The following SHH variants were observed in gnomAD, a reference collection of about 807,000 sequenced individuals.
The protein encoded by SHH is sonic hedgehog signaling molecule.
In SHH, 3 loss-of-function variants were observed where a neutral mutation model predicts 16.6. The ratio of observed to expected loss-of-function variants is 0.18; its 90% CI spans 0.08 to 0.47. The LOEUF is 0.47. Among genes scored for constraint, SHH ranks in the 20% least tolerant of loss-of-function variants. The pLI is 0.98. For synonymous variants in SHH, 351 were observed against 316.2 expected, an observed-to-expected ratio of 1.11 and a Z score of -1.17; for missense variants, 499 against 665.0, an observed-to-expected ratio of 0.75 and a Z score of 2.75.
rs9333602 is a variant in SHH at position 155,809,169 on chromosome 7, C to A, written c.301-2612G>T. On this transcript the variant is annotated intron_variant, in intron 1 of 2. Transcript: ENST00000297261. The surrounding 1 kb of genome is among the most constrained non-coding windows in gnomAD (Gnocchi z 6.1). ...CGCGCGGGGAGAGCGTGTCTGTCTGCGCTTTCCTCTCCCGGGTTAATATTA... is the reference window on the plus strand; with the variant it reads ...CGCGCGGGGAGAGCGTGTCTGTCTGAGCTTTCCTCTCCCGGGTTAATATTA... 6.6e-6 allele frequency: 1 copy of A among 152,222 alleles called. No homozygotes were observed. The highest frequency in any genetic ancestry group is 2.4e-5 in the African/African-American group (1 of 41,432). The allele number at this position is 152,222 out of a possible 1,614,324, so 9.4% of individuals were successfully genotyped here. A position where few individuals can be genotyped will look rare whatever the true frequency, so the allele number is the denominator to read the frequency against.
rs1258305758 is a variant in SHH at position 155,803,220 on chromosome 7, T to C, written c.1069A>G (p.Asn357Asp). 4.0e-6 allele frequency: 6 copies of C among 1,514,964 alleles called. No individual in the cohort carries two copies. Among genetic ancestry groups the C allele is most frequent in the Non-Finnish European group, 5.3e-6 (6 of 1,137,688 alleles). 93.8% of individuals were successfully genotyped at this position (1,514,964 alleles called of 1,614,324 possible). A position where few individuals can be genotyped will look rare whatever the true frequency, so the allele number is the denominator to read the frequency against. ...GCGTAGCACGAGGCCAGCACCCGGT[T>C]GATGAGAATGGTGCCCTGGGCCGTG... is the stretch of plus-strand genomic sequence containing the variant. Reference protein sequence around the residue: ...PLTAQGTILINRVLASCYAVI... With the variant: ...PLTAQGTILIDRVLASCYAVI... Residue 357 changes from asparagine to aspartate, a missense_variant, in exon 3 of 3, where the codon AAC (asparagine) becomes GAC (aspartate). Around this residue, in one of 4 missense-constraint regions of SHH, gnomAD observed 299 missense variants for 301.1 expected, o/e 0.99. Coordinates refer to ENST00000297261, the MANE Select transcript of SHH (RefSeq NM_000193.4).
At position 155,801,688 on chromosome 7, in the gene SHH, G is replaced by A. The variant is rs1584795020; in HGVS notation, c.*1212C>T. On this transcript the variant is annotated 3_prime_UTR_variant, in exon 3 of 3. Coordinates refer to ENST00000297261, the MANE Select transcript of SHH (RefSeq NM_000193.4). The stretch of plus-strand genomic sequence containing the variant: ...ACAAGTTGGTTTGTGTGCCTACTTT[G>A]GTTACCTAAGTCAGTCAGTCTGAGT... 6.6e-6 allele frequency: 1 copy of A among 152,290 alleles called. No homozygotes were observed. The highest frequency in any genetic ancestry group is 2.4e-5 in the African/African-American group (1 of 41,554). 9.4% of individuals were successfully genotyped at this position (152,290 alleles called of 1,614,324 possible).
rs1430640045 is a variant in SHH, at chr7:155,809,982, C to T, written c.300+1841G>A. 6.6e-6 allele frequency among the ~76,000 whole-genome samples: 1 copy of T among 151,846 alleles called. No homozygotes were observed. The highest frequency in any genetic ancestry group is 1.5e-5 in the Non-Finnish European group (1 of 67,912). ...GCCCCTGCGCGGGCGCCCCCATCTC[C>T]GCGCCCCCGCCGCCGGGGACACTAC... On this transcript the variant is annotated intron_variant, in intron 1 of 2. Coordinates refer to ENST00000297261, the MANE Select transcript of SHH (RefSeq NM_000193.4). The surrounding 1 kb of genome is among the most constrained non-coding windows in gnomAD (Gnocchi z 6.1).
At chr7:155,810,970 A>G (rs942674386) in intron 1 of SHH, among the ~76,000 whole-genome samples, 2 of 152,156 alleles carry the variant, frequency 1.3e-5, no homozygotes, top group Admixed American at 6.5e-5. Flanking sequence ...AGAGAGAGGA[A>G]TTCATATTTT....
intron 2 of SHH, among the ~76,000 whole-genome samples, chr7:155,805,148 C>T (rs1803317247): frequency 6.6e-6 from 1 of 151,872 alleles, no homozygotes; most frequent in Non-Finnish European, 1.5e-5. Flanking sequence ...AGGAGGCCTC[C>T]GGAGACCCCC....
chr7:155,805,729 C>T (rs958223293), intron 2 of SHH, among the ~76,000 whole-genome samples: 5 of 152,188 alleles, frequency 3.3e-5, no homozygotes, highest in African/African-American at 1.2e-4. Context: ...AGTAGGAACG[C>T]AGGCTCCGGG....
At chr7:155,805,826 G>A (rs1584799832) in intron 2 of SHH, among the ~76,000 whole-genome samples, 2 of 152,320 alleles carry the variant, frequency 1.3e-5, no homozygotes, top group African/African-American at 4.8e-5. Flanking sequence ...TAGGATCCAC[G>A]GGCGCCCGGC....
Position 155,803,435 on chromosome 7 carries a change from G to A in SHH, c.854C>T (p.Pro285Leu). The part of the protein sequence containing the change: ...APHNDSATGE[P>L]EASSGSGPPS... ...CGGCCCCGAGCCCGAGGACGCCTCG[G>A]GCTCCCCGGTGGCCGAGTCGTTGTG... The change falls in exon 3 of 3, where the codon CCC becomes CTC. Residue 285 changes from proline (P) to leucine (L), a missense_variant. Around this residue, in one of 4 missense-constraint regions of SHH, gnomAD observed 299 missense variants for 301.1 expected, o/e 0.99. Coordinates refer to ENST00000297261, the MANE Select transcript of SHH (RefSeq NM_000193.4). 1.6e-5 allele frequency: 24 copies of A among 1,536,724 alleles called. No individual in the cohort carries two copies. The highest frequency in any genetic ancestry group is 2.1e-5 in the Non-Finnish European group (24 of 1,146,504).
chr7:155,802,870 C>CA lies in SHH; in HGVS notation c.*29_*30insT. On this transcript the variant is annotated 3_prime_UTR_variant, in exon 3 of 3. Transcript: ENST00000297261. The stretch of plus-strand genomic sequence containing the variant: ...TGCTGTTGCTGCCCCGCCCCGCCCC[C>CA]TCCCGCGCCCCTCCCCCGGCCCCCC... The CA allele has an allele frequency of 6.6e-6, 6 of 907,784 alleles. No individual in the cohort carries two copies. The highest frequency in any genetic ancestry group is 7.5e-6 in the Non-Finnish European group (5 of 662,644). The allele number at this position is 907,784 out of a possible 1,614,324, so 56.2% of individuals were successfully genotyped here. A position where few individuals can be genotyped will look rare whatever the true frequency, so the allele number is the denominator to read the frequency against.
rs9333624 is a variant in SHH at position 155,805,977 on chromosome 7, C to A, written c.562+319G>T. On this transcript the variant is annotated intron_variant, in intron 2 of 2. Coordinates refer to ENST00000297261, the MANE Select transcript of SHH (RefSeq NM_000193.4). ...TGGCTAACCGCGCAGGGCTGTCTTC[C>A]CTCGCCTGGAAGGGCCTAGCGCCCC... 0.09 allele frequency among the ~76,000 whole-genome samples: 13,631 copies of A among 152,250 alleles called. 1,247 individuals carry two copies. Among genetic ancestry groups the A allele is most frequent in the African/African-American group, 0.23 (9,583 of 41,526 alleles).
At chr7:155,808,107 C>T (rs1803412910) in intron 1 of SHH, among the ~76,000 whole-genome samples, 1 of 147,364 alleles carries the variant, frequency 6.8e-6, no homozygotes, top group Non-Finnish European at 1.5e-5. Context: ...TGGGGTAGGG[C>T]TGGGGGCCGC....
At chr7:155,808,167 A>G (rs1803415079) in intron 1 of SHH, among the ~76,000 whole-genome samples, 1 of 152,164 alleles carries the variant, frequency 6.6e-6, no homozygotes, top group African/African-American at 2.4e-5. Context: ...CAGCAGTTAA[A>G]AAAAAAAGTC....
Position 155,800,897 on chromosome 7 carries a change from C to T in SHH, c.*2003G>A. On this transcript the variant is annotated 3_prime_UTR_variant, in exon 3 of 3. Coordinates refer to ENST00000297261, the MANE Select transcript of SHH (RefSeq NM_000193.4). The stretch of plus-strand genomic sequence containing the variant: ...CTCCTGTTCCCTAAGCCTGGACCAC[C>T]TTCTACACAGGCTGCAGCTGCTGGG... 3.6e-6 allele frequency: 1 copy of T among 281,038 alleles called. No homozygotes were observed. The highest frequency in any genetic ancestry group is 7.2e-6 in the Non-Finnish European group (1 of 139,222). 17.4% of individuals were successfully genotyped at this position (281,038 alleles called of 1,614,324 possible).
In SHH at chr7:155,803,080, G is replaced by T; in HGVS notation, c.1209C>A (p.Gly403=). 7.3e-7 allele frequency: 1 copy of T among 1,361,572 alleles called. No homozygotes were observed. Among genetic ancestry groups the T allele is most frequent in the South Asian group, 2.0e-5 (1 of 48,862 alleles). 84.3% of individuals were successfully genotyped at this position (1,361,572 alleles called of 1,614,324 possible). ...ARTDRGGDSG[G]GDRGGGGGRV... is the part of the protein sequence containing the mutation. ...TGCCGCCGCCGCCCCCGCGGTCCCC[G>T]CCGCCGCTGTCCCCGCCGCGGTCCG... The change falls in exon 3 of 3, where the codon GGC becomes GGA. Residue 403 remains glycine, a synonymous_variant. Transcript: ENST00000297261.
rs1214996814 is a variant in SHH, at chr7:155,802,802, G to A, written c.*98C>T. On this transcript the variant is annotated 3_prime_UTR_variant, in exon 3 of 3. Coordinates refer to ENST00000297261, the MANE Select transcript of SHH (RefSeq NM_000193.4). The stretch of plus-strand genomic sequence containing the variant: ...TTATTCTTATTCTTATTATAACTCA[G>A]TCTGGTTCGTGCGCCTTTTCCGAGT... The A allele has an allele frequency of 1.9e-5, 13 of 693,098 alleles. No individual in the cohort carries two copies. The highest frequency in any genetic ancestry group is 2.8e-5 in the Non-Finnish European group (13 of 465,472). The allele number at this position is 693,098 out of a possible 1,614,324, so 42.9% of individuals were successfully genotyped here.
rs890980681 is a variant in SHH, at chr7:155,800,679, A to G, written c.*2221T>C. 9 of 469,482 alleles carry G rather than the reference A, an allele frequency of 1.9e-5. No individual in the cohort carries two copies. In the Admixed American group the frequency reaches 2.1e-4, roughly 11 times the overall value. 29.1% of individuals were successfully genotyped at this position (469,482 alleles called of 1,614,324 possible). ...AACCTGCTGACCACCTAGAACACCA[A>G]AGAAAAGTCTTTTACAGAAAAAGGC... On this transcript the variant is annotated 3_prime_UTR_variant, in exon 3 of 3. Transcript: ENST00000297261.
Position 155,802,869 on chromosome 7 carries a change from CCTCCCGCG to C in SHH, c.*23_*30del. 6 of 789,862 alleles carry C rather than the reference CCTCCCGCG, an allele frequency of 7.6e-6. No homozygotes were observed. Among genetic ancestry groups the C allele is most frequent in the Non-Finnish European group, 1.1e-5 (6 of 557,372 alleles). The allele number at this position is 789,862 out of a possible 1,614,324, so 48.9% of individuals were successfully genotyped here. ...TTGCTGTTGCTGCCCCGCCCCGCCCCCTCCCGCGCCCCTCCCCCGGCCCCCCGGCTTCA... is the reference window on the plus strand; with the variant it reads ...TTGCTGTTGCTGCCCCGCCCCGCCCCCCCCTCCCCCGGCCCCCCGGCTTCA... On this transcript the variant is annotated 3_prime_UTR_variant, in exon 3 of 3. Coordinates refer to ENST00000297261, the MANE Select transcript of SHH (RefSeq NM_000193.4).
Position 155,800,406 on chromosome 7 carries a change from C to A in SHH, c.*2494G>T, listed in dbSNP as rs1440641861. 2 of 390,812 alleles carry A rather than the reference C, an allele frequency of 5.1e-6. No homozygotes were observed. Among genetic ancestry groups the A allele is most frequent in the South Asian group, 3.8e-5 (2 of 52,236 alleles). 24.2% of individuals were successfully genotyped at this position (390,812 alleles called of 1,614,324 possible). The stretch of plus-strand genomic sequence containing the variant: ...GAGGATTTCCCATCCGGGTGAAGCT[C>A]TGCTCCAAGGTGCCCCAGTCACCAG... On this transcript the variant is annotated 3_prime_UTR_variant, in exon 3 of 3. Coordinates refer to ENST00000297261, the MANE Select transcript of SHH (RefSeq NM_000193.4).
At position 155,809,964 on chromosome 7, in the gene SHH, C is replaced by A. The variant is rs905735277; in HGVS notation, c.300+1859G>T. Among the ~76,000 whole-genome samples the A allele has an allele frequency of 6.6e-6, 1 of 151,750 alleles. No homozygotes were observed. The highest frequency in any genetic ancestry group is 1.5e-5 in the Non-Finnish European group (1 of 67,880). On this transcript the variant is annotated intron_variant, in intron 1 of 2. Transcript: ENST00000297261. This position sits in a 1 kb window ranked among gnomAD's most constrained non-coding sequence, Gnocchi z 6.1. ...AGCCCGCGATGCGCCCCGGCCCCTGCGCGGGCGCCCCCATCTCCGCGCCCC... is the reference window on the plus strand; with the variant it reads ...AGCCCGCGATGCGCCCCGGCCCCTGAGCGGGCGCCCCCATCTCCGCGCCCC...
Sources: gnomAD v4.1 joint callset for allele counts (sites outside exome capture counted in the v4.1 genomes callset) on GRCh38, gnomAD v4.1.1 for gene constraint, gnomAD v4.1.1 regional missense constraint, Gnocchi (gnomAD v3.1) non-coding constraint, MANE v1.5 for transcripts, NCBI Gene and HGNC (gene_info 2026-07-23, HGNC 2026-07-21) for gene names.